Variants in MTMR4 observed in about 807,000 individuals in gnomAD.
MTMR4 encodes myotubularin related protein 4, also known as phosphatidylinositol-3,5-bisphosphate 3-phosphatase MTMR4.
Under a neutral mutation model 125.5 loss-of-function variants are expected in MTMR4, and 30 were observed. The ratio of observed to expected loss-of-function variants is 0.24; its 90% CI spans 0.18 to 0.32. The LOEUF (loss-of-function observed/expected upper bound fraction) is 0.32, where lower values mean the gene tolerates loss of function less well. Ranked by LOEUF, MTMR4 falls within the 10% of genes least tolerant of loss-of-function variation. The probability of loss-of-function intolerance (pLI) is 1.00; values close to 1 mark genes in which losing one functional copy is unlikely to be tolerated. For synonymous variants in MTMR4, 498 were observed against 564.5 expected (o/e 0.88, Z 1.67); for missense variants, 1,039 against 1,511.5 (o/e 0.69, Z 5.18).
rs897825794 is a variant in MTMR4, at chr17:58,495,406, C to G, written c.2778G>C (p.Gly926=). The G allele has an allele frequency of 2.5e-6, 4 of 1,614,122 alleles. No homozygotes were observed. The highest frequency in any genetic ancestry group is 3.4e-6 in the Non-Finnish European group (4 of 1,180,056). Residue 926 remains glycine (G), a synonymous_variant, in exon 15 of 18, where the codon GGG becomes GGC. Coordinates refer to ENST00000682306, the MANE Select transcript of MTMR4 (RefSeq NM_001378067.1). ...FLGSNWDSFQ[G]MVTSFPSGEA... ...CCCCACTTGGGAATGAAGTCACCAT[C>G]CCTTGGAAGCTGTCCCAGTTGGACC...
At chr17:58,517,611 T>C (rs1381356795), upstream of MTMR4, among the ~76,000 whole-genome samples, 1 of 152,186 alleles carries the variant, frequency 6.6e-6, no homozygotes, top group Non-Finnish European at 1.5e-5. Flanking sequence ...TTTTCAGACC[T>C]AGGGGATCTG....
intron 4 of MTMR4, among the ~76,000 whole-genome samples, chr17:58,509,197 C>T (rs1208054725): frequency 1.3e-5 from 2 of 151,898 alleles, no homozygotes; most frequent in East Asian, 3.9e-4. Context: ...CTCCCTAACT[C>T]AAACCTTCTG....
intron 4 of MTMR4, chr17:58,511,133 C>A: frequency 4.2e-6 from 1 of 235,438 alleles, no homozygotes. Context: ...AATAAACCAA[C>A]AATAATATGA....
chr17:58,504,908 C>T lies in MTMR4; in HGVS notation c.1212G>A (p.Val404=). 6.2e-7 allele frequency: 1 copy of T among 1,614,184 alleles called. No homozygotes were observed. The highest frequency in any genetic ancestry group is 8.5e-7 in the Non-Finnish European group (1 of 1,180,024). Residue 404 remains valine, a synonymous_variant, in exon 11 of 18, where the codon GTG becomes GTA. Transcript: ENST00000682306. The surrounding 1 kb of genome is among the most constrained non-coding windows in gnomAD (Gnocchi z 7.1). ...CCCGGTCTACTGTATTAGCCACCAG[C>T]ACAGCTGCTTTTAGCATCACCGACA... ...QHLSVMLKAA[V]LVANTVDREG...
chr17:58,512,879 T>C lies in MTMR4; in HGVS notation c.108A>G (p.Glu36=), dbSNP rs758837843. The change falls in exon 2 of 18, where the codon GAA becomes GAG. Residue 36 remains glutamate, a synonymous_variant. Transcript: ENST00000682306. The surrounding 1 kb of genome is among the most constrained non-coding windows in gnomAD (Gnocchi z 4.1). ...GAAGATTCTCTTCCTCCTTCACTAG[T>C]TCCTTGGGGGGGAACAGATCCTTGG... The part of the protein sequence containing the change: ...IQAKDLFPPK[E]LVKEEENLQV... 2.5e-6 allele frequency: 4 copies of C among 1,613,100 alleles called. No homozygotes were observed. The highest frequency in any genetic ancestry group is 3.3e-5 in the Admixed American group (2 of 59,838).
intron 10 of MTMR4, 104 bp from the exon 11 acceptor site, chr17:58,505,078 C>A: frequency 8.5e-7 from 1 of 1,179,484 alleles, no homozygotes. Flanking sequence ...CCATTGAGAA[C>A]TGAAACCAAG....
Position 58,495,670 on chromosome 17 carries a change from A to G in MTMR4, c.2514T>C (p.Thr838=), listed in dbSNP as rs772889578. The G allele has an allele frequency of 9.9e-6, 16 of 1,613,962 alleles. No homozygotes were observed. Among genetic ancestry groups the G allele is most frequent in the African/African-American group, 1.3e-5 (1 of 74,890 alleles). The change falls in exon 15 of 18, where the codon ACT becomes ACC. Residue 838 remains threonine, a synonymous_variant. Coordinates refer to ENST00000682306, the MANE Select transcript of MTMR4 (RefSeq NM_001378067.1). ...GGAAGTCAGTGCTTGGGTCTAGAGG[A>G]GTTTGGCAGGCAGCACTCGGTGGGT... ...VCNPPSAACQ[T]PLDPSTDFLN...
At chr17:58,498,501 A>G (rs892080903) in intron 14 of MTMR4, among the ~76,000 whole-genome samples, 11 of 126,902 alleles carry the variant, frequency 8.7e-5, no homozygotes, top group East Asian at 5.3e-4. Context: ...GAAGAAGAAG[A>G]AGGAGGAGGA....
rs1028800683 is a variant in MTMR4 at position 58,508,057 on chromosome 17, G to A, written c.707+104C>T. On this transcript the variant is annotated intron_variant, in intron 7 of 17. Transcript: ENST00000682306. The surrounding 1 kb of genome is among the most constrained non-coding windows in gnomAD (Gnocchi z 4.8). The stretch of plus-strand genomic sequence containing the variant: ...TAAAGTTATTTCATACTTCCCCATA[G>A]AGTGTCAATTCTCAGTCAACCAGGT... The A allele has an allele frequency of 1.3e-6, 1 of 769,784 alleles. No homozygotes were observed. The highest frequency in any genetic ancestry group is 2.2e-6 in the Non-Finnish European group (1 of 452,950). 47.7% of individuals were successfully genotyped at this position (769,784 alleles called of 1,614,324 possible).
At chr17:58,500,640 C>T (rs2143872335) in intron 14 of MTMR4, among the ~76,000 whole-genome samples, 1 of 150,896 alleles carries the variant, frequency 6.6e-6, no homozygotes, top group East Asian at 2.0e-4. Flanking sequence ...GTCCCAGATA[C>T]TCGGGAGGCT....
intron 3 of MTMR4, 51 bp from the exon 4 acceptor site, chr17:58,511,562 C>T (rs942774175): frequency 2.7e-6 from 4 of 1,459,010 alleles, no homozygotes; most frequent in Non-Finnish European, 3.8e-6. Context: ...GGTACCACTC[C>T]TCACCCTCAC....
At position 58,512,371 on chromosome 17, in the gene MTMR4, G is replaced by A; in HGVS notation, c.252+19C>T. On this transcript the variant is annotated intron_variant, in intron 3 of 17. Transcript: ENST00000682306. This position sits in a 1 kb window ranked among gnomAD's most constrained non-coding sequence, Gnocchi z 4.1. The stretch of plus-strand genomic sequence containing the variant: ...TAGGGATTCTAGCTTAGGGGTAGGA[G>A]AACAATACAGAAACTCACGTTGATG... The A allele has an allele frequency of 5.7e-6, 9 of 1,565,544 alleles. No homozygotes were observed. Among genetic ancestry groups the A allele is most frequent in the Non-Finnish European group, 5.3e-6 (6 of 1,135,656 alleles).
In MTMR4 at chr17:58,512,377, T is replaced by C. The variant is rs776143345; in HGVS notation, c.252+13A>G. On this transcript the variant is annotated intron_variant, in intron 3 of 17. Transcript: ENST00000682306. The surrounding 1 kb of genome is among the most constrained non-coding windows in gnomAD (Gnocchi z 4.1). ...TTCTAGCTTAGGGGTAGGAGAACAATACAGAAACTCACGTTGATGACAGAG... is the reference window on the plus strand; with the variant it reads ...TTCTAGCTTAGGGGTAGGAGAACAACACAGAAACTCACGTTGATGACAGAG... 1 of 1,589,918 alleles carries C rather than the reference T, an allele frequency of 6.3e-7. No homozygotes were observed. Among genetic ancestry groups the C allele is most frequent in the Non-Finnish European group, 8.6e-7 (1 of 1,157,874 alleles).
chr17:58,515,014 C>T (rs983015817), upstream of MTMR4: 46 of 985,314 alleles, frequency 4.7e-5, no homozygotes, highest in Non-Finnish European at 5.2e-5. Flanking sequence ...CATCAGGGTC[C>T]TTCAATCCCG....
chr17:58,512,323 G>T lies in MTMR4; in HGVS notation c.252+67C>A. 1 of 1,360,712 alleles carries T rather than the reference G, an allele frequency of 7.3e-7. No homozygotes were observed. Among genetic ancestry groups the T allele is most frequent in the South Asian group, 1.2e-5 (1 of 85,292 alleles). The allele number at this position is 1,360,712 out of a possible 1,614,324, so 84.3% of individuals were successfully genotyped here. A position where few individuals can be genotyped will look rare whatever the true frequency, so the allele number is the denominator to read the frequency against. On this transcript the variant is annotated intron_variant, in intron 3 of 17. Transcript: ENST00000682306. The surrounding 1 kb of genome is among the most constrained non-coding windows in gnomAD (Gnocchi z 4.1). ...AATGACATGATCAAGGACAGCCTTG[G>T]AACAATCCCACCTTGAACTTCATAG...
At chr17:58,509,361 C>T (rs1466998022) in intron 4 of MTMR4, among the ~76,000 whole-genome samples, 1 of 151,420 alleles carries the variant, frequency 6.6e-6, no homozygotes, top group Non-Finnish European at 1.5e-5. Flanking sequence ...CTACTCTATT[C>T]CAGAAACTCC....
intron 4 of MTMR4, chr17:58,511,150 TG>T (rs2143926295): frequency 3.6e-6 from 1 of 281,360 alleles, no homozygotes; most frequent in East Asian, 6.3e-5. Context: ...ATGAGTGCTC[TG>T]TGCCAGATAT....
rs764160861 is a variant in MTMR4 at position 58,495,271 on chromosome 17, T to G, written c.2913A>C (p.Glu971Asp). ...PCFGGQWAQR[E>D]GVKSPVCSSH... ...TAGAACAGACAGGTGACTTCACACC[T>G]TCTCTCTGAGCCCACTGGCCCCCAA... Residue 971 changes from glutamate to aspartate, a missense_variant, in exon 15 of 18, where the codon GAA becomes GAC. Transcript: ENST00000682306. 1.3e-5 allele frequency: 21 copies of G among 1,614,092 alleles called. No homozygotes were observed. The highest frequency in any genetic ancestry group is 2.7e-5 in the African/African-American group (2 of 74,948).
chr17:58,514,837 C>A (rs1273256422), upstream of MTMR4, among the ~76,000 whole-genome samples: 1 of 152,120 alleles, frequency 6.6e-6, no homozygotes, highest in Non-Finnish European at 1.5e-5. Flanking sequence ...TTCTCATTTC[C>A]CTTCTTCTAA....
Sources: gnomAD v4.1 joint callset for allele counts (sites outside exome capture counted in the v4.1 genomes callset) on GRCh38, gnomAD v4.1.1 for gene constraint, Gnocchi (gnomAD v3.1) non-coding constraint, MANE v1.5 for transcripts, NCBI Gene and HGNC (gene_info 2026-07-23, HGNC 2026-07-21) for gene names.